KCNAB2: variants seen among roughly 807,000 people sequenced by gnomAD.
The protein encoded by KCNAB2 is potassium voltage-gated channel subfamily A regulatory beta subunit 2, also known as voltage-gated potassium channel subunit beta-2.
Under a neutral mutation model 63.6 loss-of-function variants are expected in KCNAB2, and 29 were observed. That is an observed-to-expected ratio of 0.46 (90% CI 0.34 to 0.62). The LOEUF (loss-of-function observed/expected upper bound fraction) is 0.62. Among genes scored for constraint, KCNAB2 ranks in the 20% least tolerant of loss-of-function variants. The pLI is 0.01. For missense variants in KCNAB2, 359 were observed against 563.9 expected, an observed-to-expected ratio of 0.64 and a Z score of 3.68; for synonymous variants, 222 against 224.2, an observed-to-expected ratio of 0.99 and a Z score of 0.09.
chr1:6,006,702 CA>C (rs1657807904), intron 1 of KCNAB2, among the ~76,000 whole-genome samples: 3 of 95,454 alleles, frequency 3.1e-5, no homozygotes, highest in Admixed American at 9.8e-5. Flanking sequence ...CCACATCCCC[CA>C]CTTCACCCTC....
intron 15 of KCNAB2, chr1:6,098,141 G>A (rs1237165338): frequency 5.6e-6 from 6 of 1,065,834 alleles, no homozygotes; most frequent in African/African-American, 3.4e-5. Flanking sequence ...GGTGCTGTAT[G>A]CTGAGGCAGG....
exon 2 of KCNAB2, chr1:6,040,631 C>A: frequency 6.2e-7 from 1 of 1,613,480 alleles, no homozygotes; most frequent in Non-Finnish European, 8.5e-7. Context: ...CGGGCTCCCC[C>A]GGGATGATCT....
At chr1:6,041,457 G>A (rs753006956), upstream of KCNAB2, 1 of 253,576 alleles carries the variant, frequency 3.9e-6, no homozygotes, top group Admixed American at 5.1e-5. Flanking sequence ...TGCTCTGCAC[G>A]TCTGGGTTGG....
chr1:6,008,639 G>C (rs981412892), intron 1 of KCNAB2, among the ~76,000 whole-genome samples: 4 of 149,380 alleles, frequency 2.7e-5, no homozygotes, highest in African/African-American at 9.8e-5. Flanking sequence ...AAAAAAAAAG[G>C]ATCACTCAGG....
At position 6,097,374 on chromosome 1, in the gene KCNAB2, C is replaced by T. The variant is rs2311802; in HGVS notation, c.1158+17C>T. ...GCAATACAGGTAAGAGTGAGAGGCCCTGCTGGGCAGAGGGCCCATCCCAGC... is the reference window on the plus strand; with the variant it reads ...GCAATACAGGTAAGAGTGAGAGGCCTTGCTGGGCAGAGGGCCCATCCCAGC... On this transcript the variant is annotated intron_variant, in intron 15 of 15. Coordinates refer to ENST00000378083, the MANE Select transcript of KCNAB2 (RefSeq NM_001199862.2). 0.5 allele frequency: 778,476 copies of T among 1,550,128 alleles called. 202,069 individuals are homozygous for T. The highest frequency in any genetic ancestry group is 0.69 in the African/African-American group (50,222 of 73,184).
intron 2 of KCNAB2, among the ~76,000 whole-genome samples, chr1:6,064,782 C>T (rs1662600933): frequency 6.6e-6 from 1 of 152,178 alleles, no homozygotes. Context: ...AGAGGGGGCC[C>T]AGAAGGCAGC....
rs1408003607 is a variant in KCNAB2, at chr1:6,074,508, A to G, written c.300+738A>G. On this transcript the variant is annotated intron_variant, in intron 4 of 15. Coordinates refer to ENST00000378083, the MANE Select transcript of KCNAB2 (RefSeq NM_001199862.2). This position sits in a 1 kb window ranked among gnomAD's most constrained non-coding sequence, Gnocchi z 4.9. ...CATCTGCACAAGAAGCAGTTTTCAC[A>G]TTTATCCTACTTAGCACTAGAAAGG... Among the ~76,000 whole-genome samples the G allele has an allele frequency of 6.6e-6, 1 of 152,222 alleles. No individual in the cohort carries two copies. The highest frequency in any genetic ancestry group is 1.9e-4 in the East Asian group (1 of 5,202).
In KCNAB2 at chr1:6,100,219, G is replaced by T. The variant is rs1259176479; in HGVS notation, c.*1645G>T. 1.2e-6 allele frequency: 1 copy of T among 832,988 alleles called. No individual in the cohort carries two copies. Among genetic ancestry groups the T allele is most frequent in the Admixed American group, 3.6e-5 (1 of 28,132 alleles). The allele number at this position is 832,988 out of a possible 1,614,324, so 51.6% of individuals were successfully genotyped here. A position where few individuals can be genotyped will look rare whatever the true frequency, so the allele number is the denominator to read the frequency against. On this transcript the variant is annotated 3_prime_UTR_variant, in exon 16 of 16. Transcript: ENST00000378083. ...AAGGCCAGCGGGGAGAGGCTGGGGC[G>T]AGGGGAGGAGGGGGATCAGCTTCTG...
chr1:6,005,795 G>A (rs999217320), intron 1 of KCNAB2, among the ~76,000 whole-genome samples: 1 of 151,868 alleles, frequency 6.6e-6, no homozygotes, highest in Non-Finnish European at 1.5e-5. Context: ...CAGGATGCCG[G>A]CCGGAGTTTC....
chr1:6,089,076 G>C, intron 8 of KCNAB2, 25 bp downstream of exon 8: 1 of 1,546,854 alleles, frequency 6.5e-7, no homozygotes, highest in Non-Finnish European at 8.7e-7. Context: ...GGGCACCTCA[G>C]GGCCCCCATA....
In KCNAB2 at chr1:6,099,846, AG is replaced by A; in HGVS notation, c.*1274del. ...GGGCAGAGGGGAGAGAGGGCAGGAC[AG>A]GCCAGAGTGACGCCCCCGTGCAGCT... On this transcript the variant is annotated 3_prime_UTR_variant, in exon 16 of 16. Transcript: ENST00000378083. 6.5e-7 allele frequency: 1 copy of A among 1,546,112 alleles called. No individual in the cohort carries two copies. Among genetic ancestry groups the A allele is most frequent in the South Asian group, 1.2e-5 (1 of 83,356 alleles).
At chr1:6,030,668 GTGT>G (rs1557427268), upstream of KCNAB2, among the ~76,000 whole-genome samples, 2 of 150,616 alleles carry the variant, frequency 1.3e-5, no homozygotes, top group East Asian at 1.9e-4. Context: ...CGTGTATGGG[GTGT>G]GTGTATGTGT....
At chr1:6,098,238 A>G in intron 15 of KCNAB2, 1 of 1,262,884 alleles carries the variant, frequency 7.9e-7, no homozygotes, top group South Asian at 2.1e-5. Context: ...ACCACCCTTC[A>G]GGAAGGTTCT....
intron 1 of KCNAB2, among the ~76,000 whole-genome samples, chr1:6,049,693 C>T (rs1312545818): frequency 3.3e-5 from 5 of 152,220 alleles, no homozygotes; most frequent in Non-Finnish European, 7.3e-5. Context: ...GGGCTCCTTG[C>T]CTGCTGGTCT....
At chr1:6,080,657 AC>A (rs769189957) in intron 4 of KCNAB2, among the ~76,000 whole-genome samples, 28 of 151,446 alleles carry the variant, frequency 1.8e-4, no homozygotes, top group Non-Finnish European at 3.4e-4. Context: ...ATTTCCATAC[AC>A]CCCCCACCCA....
rs1439499598 is a variant in KCNAB2, at chr1:6,096,473, C to T, written c.949-163C>T. ...CCGGCCCACTGCCCACTCTCCCCTA[C>T]TTGAGAGGCCTGGGGCAGGGGCACT... On this transcript the variant is annotated intron_variant, in intron 13 of 15. Coordinates refer to ENST00000378083, the MANE Select transcript of KCNAB2 (RefSeq NM_001199862.2). The surrounding 1 kb of genome is among the most constrained non-coding windows in gnomAD (Gnocchi z 5.9). The T allele has an allele frequency of 2.1e-6, 2 of 970,912 alleles. No homozygotes were observed. The highest frequency in any genetic ancestry group is 1.8e-5 in the South Asian group (1 of 56,646). The allele number at this position is 970,912 out of a possible 1,614,324, so 60.1% of individuals were successfully genotyped here.
chr1:6,065,099 C>T (rs921287721), intron 2 of KCNAB2, among the ~76,000 whole-genome samples: 9 of 152,226 alleles, frequency 5.9e-5, no homozygotes, highest in African/African-American at 1.4e-4. Flanking sequence ...AATCCCCCAG[C>T]GGATACCCCA....
At chr1:6,025,831 GCCCACCCCAGCACACAGCCGATC>G (rs1659112094) in intron 1 of KCNAB2, among the ~76,000 whole-genome samples, 1 of 152,006 alleles carries the variant, frequency 6.6e-6, no homozygotes, top group African/African-American at 2.4e-5. Context: ...AAGGTGGGCA[GCCCACCCCAGCACACAGCCGATC>G]CCGGCACACA....
intron 1 of KCNAB2, among the ~76,000 whole-genome samples, chr1:6,039,235 C>G (rs1363551232): frequency 6.6e-6 from 1 of 152,098 alleles, no homozygotes; most frequent in Non-Finnish European, 1.5e-5. Context: ...GCTGGGAAGG[C>G]GGGGGCCTGG....
Sources: allele counts gnomAD v4.1 joint callset (sites outside exome capture counted in the v4.1 genomes callset), GRCh38; gene constraint gnomAD v4.1.1; non-coding constraint Gnocchi (gnomAD v3.1); transcripts MANE v1.5; gene names NCBI Gene and HGNC (gene_info 2026-07-23, HGNC 2026-07-21).